MMP17: variants seen among roughly 807,000 people sequenced by gnomAD.
MMP17 encodes matrix metalloproteinase-17.
A neutral mutation model predicts 49.1 loss-of-function variants in MMP17; 54 were observed. The ratio of observed to expected loss-of-function variants is 1.10; its 90% CI spans 0.88 to 1.38. The LOEUF (loss-of-function observed/expected upper bound fraction) is 1.38, where lower values mean the gene tolerates loss of function less well. Among genes scored for constraint, MMP17 ranks in the 40% most tolerant of loss-of-function variants. The pLI, the probability that MMP17 is intolerant of heterozygous loss-of-function variation, is 0.00. For synonymous variants in MMP17, 397 were observed against 383.1 expected (o/e 1.04, Z -0.42); for missense variants, 837 against 853.7 (o/e 0.98, Z 0.24).
Position 131,845,437 on chromosome 12 carries a change from G to A in MMP17, c.1192G>A (p.Val398Ile), listed in dbSNP as rs753228030. 1.8e-5 allele frequency: 28 copies of A among 1,569,960 alleles called. No individual in the cohort carries two copies. Among genetic ancestry groups the A allele is most frequent in the Middle Eastern group, 1.7e-4 (1 of 5,882 alleles). Residue 398 changes from valine (V) to isoleucine (I), a missense_variant, in exon 8 of 10, where the codon GTC becomes ATC. By Grantham distance (29) the Val-to-Ile change is conservative. Coordinates refer to ENST00000360564, the MANE Select transcript of MMP17 (RefSeq NM_016155.7). ...VYERTSDHKIVFFKGDRYWVF... is the reference protein window; with the variant it reads ...VYERTSDHKIIFFKGDRYWVF... ...CGAGCGCACCAGCGACCACAAGATC[G>A]TCTTCTTTAAAGGTGGGTGGGCCTC...
chr12:131,845,698 G>C (rs1317415913), intron 8 of MMP17, among the ~76,000 whole-genome samples: 10 of 152,218 alleles, frequency 6.6e-5, no homozygotes, highest in Admixed American at 6.5e-4. Flanking sequence ...TTCTAGTCAG[G>C]CCACAGTCCA....
At chr12:131,844,720 C>G (rs1045260199) in intron 6 of MMP17, 3 of 268,280 alleles carry the variant, frequency 1.1e-5, no homozygotes, top group Non-Finnish European at 2.2e-5. Flanking sequence ...TTGTCCCTGA[C>G]CTTCTGTCGC....
chr12:131,832,267 T>G (rs1593221074), intron 1 of MMP17, among the ~76,000 whole-genome samples: 2 of 19,088 alleles, frequency 1.0e-4, no homozygotes, highest in Non-Finnish European at 1.9e-4. Context: ...CTGGAGAGGA[T>G]CTGGGGGGGA....
At chr12:131,832,921 G>A (rs994449404) in intron 1 of MMP17, among the ~76,000 whole-genome samples, 5 of 151,740 alleles carry the variant, frequency 3.3e-5, no homozygotes, top group Admixed American at 6.6e-5. Flanking sequence ...ACCGCCCCAC[G>A]CATCACCTGG....
At chr12:131,849,459 G>C (rs1227915168) in intron 8 of MMP17, among the ~76,000 whole-genome samples, 1 of 152,208 alleles carries the variant, frequency 6.6e-6, no homozygotes, top group African/African-American at 2.4e-5. Context: ...CTCCAGCCTG[G>C]GTGACACAGC....
chr12:131,844,518 G>A, intron 6 of MMP17: 1 of 253,114 alleles, frequency 4.0e-6, no homozygotes, highest in Non-Finnish European at 7.6e-6. Flanking sequence ...TGCTCCACGA[G>A]GCATGACCCT....
chr12:131,850,176 G>A, intron 9 of MMP17, 117 bp downstream of exon 9: 3 of 1,359,230 alleles, frequency 2.2e-6, no homozygotes, highest in Non-Finnish European at 2.9e-6. Context: ...GTCGGTGTGG[G>A]CTCTGAGGGT....
chr12:131,844,544 T>G, intron 6 of MMP17: 2 of 232,432 alleles, frequency 8.6e-6, no homozygotes, highest in Non-Finnish European at 1.7e-5. Context: ...AGCAACTGGA[T>G]TCCCAGTGAA....
chr12:131,845,588 T>G, intron 8 of MMP17, 139 bp downstream of exon 8: 1 of 1,199,258 alleles, frequency 8.3e-7, no homozygotes, highest in East Asian at 2.6e-5. Flanking sequence ...GGTTTGCTTG[T>G]GCACTCAGCA....
intron 1 of MMP17, among the ~76,000 whole-genome samples, chr12:131,832,583 C>T (rs1028682247): frequency 1.1e-4 from 16 of 152,150 alleles, no homozygotes; most frequent in African/African-American, 3.1e-4. Flanking sequence ...GTTTCTGTCA[C>T]GCAGTGGGTG....
chr12:131,829,856 G>A (rs563313063), intron 1 of MMP17, among the ~76,000 whole-genome samples: 2 of 152,350 alleles, frequency 1.3e-5, no homozygotes, highest in South Asian at 4.1e-4. Context: ...CATCTGGGAG[G>A]GTGCTGGCCA....
At chr12:131,837,242 C>A (rs1334045275) in intron 1 of MMP17, among the ~76,000 whole-genome samples, 1 of 152,238 alleles carries the variant, frequency 6.6e-6, no homozygotes, top group East Asian at 1.9e-4. Context: ...GCCCCAGGCA[C>A]ACAGCGGGGA....
intron 6 of MMP17, chr12:131,844,315 G>A (rs1011992809): frequency 2.1e-5 from 11 of 536,468 alleles, no homozygotes; most frequent in South Asian, 4.9e-5. Context: ...TCTCCCCCTC[G>A]TCCCTGTCAG....
intron 5 of MMP17, among the ~76,000 whole-genome samples, chr12:131,843,069 C>T (rs1365893534): frequency 1.3e-5 from 2 of 151,896 alleles, no homozygotes; most frequent in Admixed American, 1.3e-4. Context: ...GATCTCGGCT[C>T]GCTGCGACCT....
At chr12:131,839,210 C>T (rs567115396) in intron 3 of MMP17, among the ~76,000 whole-genome samples, 7 of 152,268 alleles carry the variant, frequency 4.6e-5, no homozygotes, top group African/African-American at 9.6e-5. Context: ...CCTGTCCGCG[C>T]GCAGCCTCCT....
In MMP17 at chr12:131,840,714, C is replaced by CT; in HGVS notation, c.566dup (p.Ser190LeufsTer6). On this transcript the variant is annotated frameshift_variant, in exon 4 of 10. Transcript: ENST00000360564. LOFTEE classifies it high-confidence loss of function. ...GCAGCGCCGCCGACATCCAGATCGA[C>CT]TTCTCCAAGGCCGACCATAACGACG... 2 of 1,605,300 alleles carry CT rather than the reference C, an allele frequency of 1.2e-6. No homozygotes were observed. The highest frequency in any genetic ancestry group is 1.7e-6 in the Non-Finnish European group (2 of 1,179,922).
At chr12:131,828,798 G>T in intron 1 of MMP17, 145 bp downstream of exon 1, 1 of 175,140 alleles carries the variant, frequency 5.7e-6, no homozygotes, top group Non-Finnish European at 1.2e-5. Flanking sequence ...TTTCCTGGGT[G>T]GGGAGACTGA....
chr12:131,850,103 C>CAAG, intron 9 of MMP17, 44 bp downstream of exon 9: 1 of 1,553,200 alleles, frequency 6.4e-7, no homozygotes, highest in Non-Finnish European at 8.7e-7. Flanking sequence ...CTTGGTTTCC[C>CAAG]CACCAGGAGA....
chr12:131,840,449 G>A, intron 3 of MMP17, 124 bp from the exon 4 acceptor site: 1 of 1,001,828 alleles, frequency 1.0e-6, no homozygotes, highest in Non-Finnish European at 1.5e-6. Flanking sequence ...TGGGGAGGAA[G>A]GCGGAAGATG....
Sources: gnomAD v4.1 joint callset for allele counts (sites outside exome capture counted in the v4.1 genomes callset) on GRCh38, gnomAD v4.1.1 for gene constraint, MANE v1.5 for transcripts, NCBI Gene and HGNC (gene_info 2026-07-23, HGNC 2026-07-21) for gene names.